Variants in KSR2 observed in about 807,000 individuals in gnomAD.
The protein encoded by KSR2 is kinase suppressor of ras 2.
KSR2 carries 25 observed loss-of-function variants against 107.8 expected under a neutral mutation model. The observed-to-expected ratio is 0.23, with a 90% CI of 0.17 to 0.32. The LOEUF (loss-of-function observed/expected upper bound fraction) is 0.32. Ranked by LOEUF, KSR2 falls within the 10% of genes least tolerant of loss-of-function variation. KSR2 has a pLI of 1.00. For synonymous variants in KSR2, 480 were observed against 507.0 expected (o/e 0.95, Z 0.71); for missense variants, 887 against 1,268.9 (o/e 0.70, Z 4.57).
chr12:117,826,519 C>CA (rs373024061), intron 3 of KSR2, among the ~76,000 whole-genome samples: 83 of 150,396 alleles, frequency 5.5e-4, no homozygotes, highest in African/African-American at 8.3e-4. Flanking sequence ...GGAGAACAAA[C>CA]AAAAAAAAAC....
At chr12:117,622,894 G>A (rs1882267263) in intron 5 of KSR2, among the ~76,000 whole-genome samples, 1 of 152,194 alleles carries the variant, frequency 6.6e-6, no homozygotes, top group South Asian at 2.1e-4. Context: ...CTCTTGGAAT[G>A]CATTGTTGGG....
chr12:117,629,794 C>G (rs1304757170), intron 5 of KSR2, among the ~76,000 whole-genome samples: 1 of 152,226 alleles, frequency 6.6e-6, no homozygotes, highest in Non-Finnish European at 1.5e-5. Flanking sequence ...ATGTGTAAGT[C>G]TGTGGAAGTA....
intron 14 of KSR2, among the ~76,000 whole-genome samples, chr12:117,494,649 TTA>T (rs1872925826): frequency 6.6e-6 from 1 of 152,150 alleles, no homozygotes; most frequent in Non-Finnish European, 1.5e-5. Context: ...GACCTAGTCC[TTA>T]ATCCTACAAG....
intron 12 of KSR2, among the ~76,000 whole-genome samples, chr12:117,527,346 C>G (rs1343606621): frequency 6.9e-6 from 1 of 144,882 alleles, no homozygotes; most frequent in Admixed American, 6.8e-5. Context: ...CACACACACA[C>G]AGACACACAC....
chr12:117,916,802 G>A (rs976674229), intron 1 of KSR2, among the ~76,000 whole-genome samples: 1 of 152,158 alleles, frequency 6.6e-6, no homozygotes, highest in Admixed American at 6.6e-5. Context: ...AAGTTTCAAC[G>A]CACCATTTAC....
chr12:117,586,993 G>C (rs1375016717), intron 5 of KSR2, among the ~76,000 whole-genome samples: 1 of 152,142 alleles, frequency 6.6e-6, no homozygotes, highest in African/African-American at 2.4e-5. Context: ...GACTGAGTTG[G>C]GATTTAAACT....
At chr12:117,624,218 T>C (rs1438896776) in intron 5 of KSR2, among the ~76,000 whole-genome samples, 1 of 152,236 alleles carries the variant, frequency 6.6e-6, no homozygotes, top group Non-Finnish European at 1.5e-5. Context: ...GTGCAGAAGC[T>C]CTTTAGCTTA....
At chr12:117,780,690 A>G (rs1456996519) in intron 3 of KSR2, among the ~76,000 whole-genome samples, 3 of 152,236 alleles carry the variant, frequency 2.0e-5, no homozygotes, top group African/African-American at 7.2e-5. Context: ...TTAAAATGGT[A>G]AACTTTGGTG....
At chr12:117,858,428 G>A (rs2137236281) in intron 2 of KSR2, among the ~76,000 whole-genome samples, 1 of 152,224 alleles carries the variant, frequency 6.6e-6, no homozygotes, top group Non-Finnish European at 1.5e-5. Flanking sequence ...ATTGCGCGTG[G>A]TCTGATGTGC....
At chr12:117,726,206 A>T (rs1042005280) in intron 4 of KSR2, among the ~76,000 whole-genome samples, 7 of 152,102 alleles carry the variant, frequency 4.6e-5, no homozygotes, top group Non-Finnish European at 8.8e-5. Context: ...AAATTTTTTT[A>T]AAAAGATAAC....
intron 3 of KSR2, among the ~76,000 whole-genome samples, chr12:117,766,143 AC>A (rs1889218300): frequency 1.3e-5 from 2 of 152,366 alleles, no homozygotes; most frequent in Admixed American, 6.5e-5. Context: ...AAAGGTGGAA[AC>A]AACCCAAGTG....
chr12:117,815,670 G>A (rs950194551), intron 3 of KSR2, among the ~76,000 whole-genome samples: 1 of 152,074 alleles, frequency 6.6e-6, no homozygotes, highest in African/African-American at 2.4e-5. Context: ...TGGTGGGAAG[G>A]GTATAGAAAG....
At chr12:117,926,632 A>T (rs1207281873) in intron 1 of KSR2, among the ~76,000 whole-genome samples, 1 of 152,238 alleles carries the variant, frequency 6.6e-6, no homozygotes, top group African/African-American at 2.4e-5. Context: ...CATCCACAGG[A>T]GAAAAATCAC....
intron 7 of KSR2, among the ~76,000 whole-genome samples, chr12:117,563,348 T>C (rs146163254): frequency 6.6e-6 from 1 of 152,240 alleles, no homozygotes; most frequent in East Asian, 1.9e-4. Context: ...CGGAATACAA[T>C]GTTCTCCTCC....
rs114915178 is a variant in KSR2, at chr12:117,501,275, G to T, written c.2220-15584C>A. 3.5e-3 allele frequency among the ~76,000 whole-genome samples: 535 copies of T among 152,322 alleles called. 1 individual carries two copies. The highest frequency in any genetic ancestry group is 0.012 in the African/African-American group (518 of 41,568). On this transcript the variant is annotated intron_variant, in intron 14 of 19. Coordinates refer to ENST00000339824, the MANE Select transcript of KSR2 (RefSeq NM_173598.6). ...GTTAAAATAGCAGAGTTAAGGAGTT[G>T]TAACAAAGCCCATATGGCAAAGCTG...
chr12:117,732,156 G>A (rs188887835), intron 4 of KSR2, among the ~76,000 whole-genome samples: 1 of 152,234 alleles, frequency 6.6e-6, no homozygotes, highest in East Asian at 1.9e-4. Flanking sequence ...AACCCTGGTC[G>A]TGAGGTGGTA....
chr12:117,733,268 T>C (rs1887801785), intron 4 of KSR2, among the ~76,000 whole-genome samples: 1 of 152,246 alleles, frequency 6.6e-6, no homozygotes, highest in East Asian at 1.9e-4. Flanking sequence ...CACACATGCA[T>C]GCTATAGTCC....
chr12:117,833,102 C>T (rs888598119), intron 3 of KSR2, among the ~76,000 whole-genome samples: 8 of 152,218 alleles, frequency 5.3e-5, no homozygotes, highest in Non-Finnish European at 1.0e-4. Context: ...GAGCACAATG[C>T]TGGCTTTGTG....
chr12:117,927,609 C>T (rs1480523945), intron 1 of KSR2, among the ~76,000 whole-genome samples: 1 of 151,882 alleles, frequency 6.6e-6, no homozygotes, highest in Non-Finnish European at 1.5e-5. Context: ...AGAAGAATCA[C>T]TTGACCCTGA....
Sources: gnomAD v4.1 joint callset for allele counts (sites outside exome capture counted in the v4.1 genomes callset) on GRCh38, gnomAD v4.1.1 for gene constraint, MANE v1.5 for transcripts, NCBI Gene and HGNC (gene_info 2026-07-23, HGNC 2026-07-21) for gene names.